The following COL16A1 variants were observed in gnomAD, a reference collection of about 807,000 sequenced individuals.
The protein encoded by COL16A1 is collagen type XVI alpha 1 chain, also known as collagen alpha-1(XVI) chain.
A neutral mutation model predicts 266.3 loss-of-function variants in COL16A1; 189 were observed. The observed-to-expected ratio is 0.71, with a 90% CI of 0.63 to 0.80. The LOEUF is 0.80. Ranked by LOEUF, COL16A1 falls within the 30% of genes least tolerant of loss-of-function variation. The pLI is 0.00. For synonymous variants in COL16A1, 740 were observed against 782.3 expected (o/e 0.95, Z 0.90); for missense variants, 1,928 against 2,122.4 (o/e 0.91, Z 1.80).
Position 31,672,513 on chromosome 1 carries a change from A to G in COL16A1, c.3019-11T>C. Reference sequence around the variant, plus strand: ...CTCACTGTTGTCACCCTGGAGAAGGATGGAGACGGTGATAGTGAGCAGTCA... The same window carrying G: ...CTCACTGTTGTCACCCTGGAGAAGGGTGGAGACGGTGATAGTGAGCAGTCA... On this transcript the variant is annotated splice_polypyrimidine_tract_variant and intron_variant, in intron 46 of 70. Transcript: ENST00000373672. 6.2e-7 allele frequency: 1 copy of G among 1,614,140 alleles called. No homozygotes were observed. Among genetic ancestry groups the G allele is most frequent in the African/African-American group, 1.3e-5 (1 of 75,048 alleles).
At chr1:31,662,202 C>T (rs1641729301) in intron 58 of COL16A1, 132 bp downstream of exon 58, 13 of 1,502,802 alleles carry the variant, frequency 8.7e-6, no homozygotes, top group South Asian at 1.2e-5. Context: ...GGAGACAGAC[C>T]GAGGGAGGGC....
chr1:31,684,740 C>T (rs372261304), intron 30 of COL16A1, 81 bp downstream of exon 30: 9 of 1,611,082 alleles, frequency 5.6e-6, no homozygotes, highest in Middle Eastern at 1.7e-4. Flanking sequence ...GGGTTGGGGG[C>T]TAGGGAGGGA....
intron 12 of COL16A1, chr1:31,693,377 T>C: frequency 1.7e-6 from 1 of 581,486 alleles, no homozygotes; most frequent in Non-Finnish European, 3.1e-6. Flanking sequence ...AGATGCTATA[T>C]TTGGCAAATC....
Position 31,699,821 on chromosome 1 carries a change from C to G in COL16A1, c.258G>C (p.Gln86His). 6.2e-7 allele frequency: 1 copy of G among 1,605,728 alleles called. No homozygotes were observed. Among genetic ancestry groups the G allele is most frequent in the East Asian group, 2.2e-5 (1 of 44,854 alleles). ...CACATGGATGCATTTACCGCGTGGG[C>G]TGGGTCACGGGGGCCGCCCCCAGGC... ...ILRLGAAPVT[Q>H]PTRRVFPRGL... Residue 86 changes from glutamine to histidine, a missense_variant, in exon 4 of 71, where the codon CAG (glutamine) becomes CAC (histidine). Gln to His is a conservative substitution (Grantham distance 24, BLOSUM62 0). Around this residue, in one of 2 missense-constraint regions of COL16A1, gnomAD observed 1,552 missense variants for 1,637.2 expected, o/e 0.95. Coordinates refer to ENST00000373672, the MANE Select transcript of COL16A1 (RefSeq NM_001856.4).
Position 31,656,890 on chromosome 1 carries a change from T to A in COL16A1, c.4056+143A>T. 2 of 1,012,320 alleles carry A rather than the reference T, an allele frequency of 2.0e-6. No individual in the cohort carries two copies. The highest frequency in any genetic ancestry group is 1.6e-5 in the South Asian group (1 of 62,924). 62.7% of individuals were successfully genotyped at this position (1,012,320 alleles called of 1,614,324 possible). A position where few individuals can be genotyped will look rare whatever the true frequency, so the allele number is the denominator to read the frequency against. On this transcript the variant is annotated intron_variant, in intron 65 of 70. Transcript: ENST00000373672. The surrounding 1 kb of genome is among the most constrained non-coding windows in gnomAD (Gnocchi z 4.2). ...CTTGGCCTCAAGTCTCTAATTCCTC[T>A]CCCCAGGACAACAGGGTTAACAATT...
At position 31,668,150 on chromosome 1, in the gene COL16A1, G is replaced by T. The variant is rs1642306579; in HGVS notation, c.3303+15C>A. 1.2e-6 allele frequency: 2 copies of T among 1,606,858 alleles called. No homozygotes were observed. The highest frequency in any genetic ancestry group is 1.7e-5 in the Admixed American group (1 of 58,414). On this transcript the variant is annotated intron_variant, in intron 51 of 70. Coordinates refer to ENST00000373672, the MANE Select transcript of COL16A1 (RefSeq NM_001856.4). The surrounding 1 kb of genome is among the most constrained non-coding windows in gnomAD (Gnocchi z 5.8). ...TACCTGGCACCCACTCCCCAGCAAGGGTCCCCTTACTCACAGGCAGTCCTG... is the reference window on the plus strand; with the variant it reads ...TACCTGGCACCCACTCCCCAGCAAGTGTCCCCTTACTCACAGGCAGTCCTG...
chr1:31,695,653 G>T, intron 10 of COL16A1, 108 bp downstream of exon 10: 1 of 1,047,072 alleles, frequency 9.6e-7, no homozygotes, highest in Middle Eastern at 2.2e-4. Flanking sequence ...GGAATGCCAG[G>T]AGCTGTGTAG....
chr1:31,658,892 A>G (rs1447944580), intron 63 of COL16A1, 22 bp downstream of exon 63: 3 of 1,551,966 alleles, frequency 1.9e-6, no homozygotes, highest in Non-Finnish European at 2.6e-6. Context: ...GGAGGGAGGA[A>G]GGAGTGGAGC....
At position 31,670,716 on chromosome 1, in the gene COL16A1, C is replaced by T; in HGVS notation, c.3151-70G>A. ...CCTGGGACAGCCTGGAGGGCACAGT[C>T]TGGGGCTTGGGGGTCATGGGGAGAG... On this transcript the variant is annotated intron_variant, in intron 48 of 70. Coordinates refer to ENST00000373672, the MANE Select transcript of COL16A1 (RefSeq NM_001856.4). This position sits in a 1 kb window ranked among gnomAD's most constrained non-coding sequence, Gnocchi z 4.5. The T allele has an allele frequency of 7.5e-7, 1 of 1,330,608 alleles. No individual in the cohort carries two copies. The highest frequency in any genetic ancestry group is 9.8e-7 in the Non-Finnish European group (1 of 1,015,286). 82.4% of individuals were successfully genotyped at this position (1,330,608 alleles called of 1,614,324 possible). A position where few individuals can be genotyped will look rare whatever the true frequency, so the allele number is the denominator to read the frequency against.
chr1:31,703,838 G>A lies in COL16A1; in HGVS notation c.-36C>T, dbSNP rs111721940. The stretch of plus-strand genomic sequence containing the variant: ...GCCGCCCACTGTATCCCTACTTACC[G>A]GTGGCCGGGGATCCCCCCACCTCAC... On this transcript the variant is annotated splice_region_variant and 5_prime_UTR_variant, in exon 1 of 71. Transcript: ENST00000373672. The A allele has an allele frequency of 4.4e-3, 673 of 152,582 alleles. 7 individuals are homozygous for A. Among genetic ancestry groups the A allele is most frequent in the East Asian group, 0.034 (176 of 5,182 alleles). The allele number at this position is 152,582 out of a possible 1,614,324, so 9.5% of individuals were successfully genotyped here. A position where few individuals can be genotyped will look rare whatever the true frequency, so the allele number is the denominator to read the frequency against.
intron 23 of COL16A1, 145 bp downstream of exon 23, chr1:31,689,596 A>G: frequency 1.5e-6 from 1 of 686,776 alleles, no homozygotes; most frequent in Non-Finnish European, 2.6e-6. Flanking sequence ...CCCTTACCAC[A>G]GTAAGAGCCT....
At chr1:31,669,212 G>A (rs1557632060) in intron 49 of COL16A1, among the ~76,000 whole-genome samples, 2 of 152,146 alleles carry the variant, frequency 1.3e-5, no homozygotes, top group Non-Finnish European at 2.9e-5. Flanking sequence ...TGATGGATCA[G>A]ATGTGTGCTT....
At position 31,657,029 on chromosome 1, in the gene COL16A1, G is replaced by A; in HGVS notation, c.4056+4C>T. ...GGAAACAGAGAAGACCAGTACAACT[G>A]TACCTCTTTGCCAGCTGCACCATCC... On this transcript the variant is annotated splice_donor_region_variant and intron_variant, in intron 65 of 70. Transcript: ENST00000373672. This position sits in a 1 kb window ranked among gnomAD's most constrained non-coding sequence, Gnocchi z 6.4. 5.6e-6 allele frequency: 9 copies of A among 1,614,132 alleles called. No individual in the cohort carries two copies. The highest frequency in any genetic ancestry group is 2.2e-5 in the East Asian group (1 of 44,866).
intron 55 of COL16A1, 59 bp downstream of exon 55, chr1:31,665,524 C>A (rs372299086): frequency 1.5e-5 from 25 of 1,613,676 alleles, no homozygotes; most frequent in Non-Finnish European, 2.1e-5. Flanking sequence ...CCTGGTCAGG[C>A]CTGCCCCTCC....
chr1:31,659,605 C>A (rs1159967162), intron 62 of COL16A1: 1 of 153,998 alleles, frequency 6.5e-6, no homozygotes, highest in Non-Finnish European at 1.4e-5. Context: ...TTCTCTGAAC[C>A]CCCGGGGCAC....
Position 31,684,249 on chromosome 1 carries a change from C to G in COL16A1, c.2161-18G>C, listed in dbSNP as rs375929746. The G allele has an allele frequency of 2.0e-4, 294 of 1,463,442 alleles. No homozygotes were observed. The African/African-American group carries it at 3.8e-3, about 19-fold the overall frequency. The allele number at this position is 1,463,442 out of a possible 1,614,324, so 90.7% of individuals were successfully genotyped here. A position where few individuals can be genotyped will look rare whatever the true frequency, so the allele number is the denominator to read the frequency against. Reference sequence around the variant, plus strand: ...CCATCACCCTGGTCAGAGATGGGTACAGCCAGGAGCCCATGAGCCGGGGCT... The same window carrying G: ...CCATCACCCTGGTCAGAGATGGGTAGAGCCAGGAGCCCATGAGCCGGGGCT... On this transcript the variant is annotated intron_variant, in intron 31 of 70. Coordinates refer to ENST00000373672, the MANE Select transcript of COL16A1 (RefSeq NM_001856.4).
In COL16A1 at chr1:31,683,902, C is replaced by T. The variant is rs748550330; in HGVS notation, c.2337+48G>A. 6 of 1,613,192 alleles carry T rather than the reference C, an allele frequency of 3.7e-6. No homozygotes were observed. In the East Asian group the frequency reaches 1.1e-4, roughly 30 times the overall value. ...GCCCCCATGGATCTCCCTATCCCAC[C>T]CCTGCCCTCACGTAGCTACGGCCCA... On this transcript the variant is annotated intron_variant, in intron 33 of 70. Transcript: ENST00000373672.
At chr1:31,662,207 G>T in intron 58 of COL16A1, 127 bp downstream of exon 58, 1 of 1,513,670 alleles carries the variant, frequency 6.6e-7, no homozygotes, top group Non-Finnish European at 9.0e-7. Flanking sequence ...CAGACCGAGG[G>T]AGGGCATGGG....
At position 31,688,654 on chromosome 1, in the gene COL16A1, C is replaced by A. The variant is rs890110897; in HGVS notation, c.1768-152G>T. 1.7e-6 allele frequency: 2 copies of A among 1,189,154 alleles called. No individual in the cohort carries two copies. Among genetic ancestry groups the A allele is most frequent in the Non-Finnish European group, 2.5e-6 (2 of 809,632 alleles). The allele number at this position is 1,189,154 out of a possible 1,614,324, so 73.7% of individuals were successfully genotyped here. On this transcript the variant is annotated intron_variant, in intron 25 of 70. Transcript: ENST00000373672. This position sits in a 1 kb window ranked among gnomAD's most constrained non-coding sequence, Gnocchi z 4.9. The stretch of plus-strand genomic sequence containing the variant: ...AGTTTCTTCAGTTAGACAACTGAAG[C>A]TAGAGGTGCTAAGAGGAAGTTCCAG...
Sources: gnomAD v4.1 joint callset for allele counts (sites outside exome capture counted in the v4.1 genomes callset) on GRCh38, gnomAD v4.1.1 for gene constraint, gnomAD v4.1.1 regional missense constraint, Gnocchi (gnomAD v3.1) non-coding constraint, MANE v1.5 for transcripts, NCBI Gene and HGNC (gene_info 2026-07-23, HGNC 2026-07-21) for gene names.